Variants in PHACTR1 observed in about 807,000 individuals in gnomAD.
PHACTR1 encodes the protein RPEL repeat containing 1.
A neutral mutation model predicts 69.2 loss-of-function variants in PHACTR1; 16 were observed. The ratio of observed to expected loss-of-function variants is 0.23; its 90% CI spans 0.16 to 0.35. The LOEUF (loss-of-function observed/expected upper bound fraction) is 0.35, where lower values mean the gene tolerates loss of function less well. Among genes scored for constraint, PHACTR1 ranks in the 10% least tolerant of loss-of-function variants. The probability of loss-of-function intolerance (pLI) is 1.00; values close to 1 mark genes in which losing one functional copy is unlikely to be tolerated. For missense variants in PHACTR1, 510 were observed against 734.7 expected (o/e 0.69, Z 3.54); for synonymous variants, 312 against 284.5 (o/e 1.10, Z -0.97).
At chr6:12,741,876 A>G (rs1382246585) in intron 3 of PHACTR1, among the ~76,000 whole-genome samples, 11 of 151,938 alleles carry the variant, frequency 7.2e-5, no homozygotes, top group African/African-American at 2.7e-4. Context: ...TCAATCCATG[A>G]GCACGATTAT....
chr6:13,170,061 T>C (rs1760366185), intron 6 of PHACTR1, among the ~76,000 whole-genome samples: 1 of 152,208 alleles, frequency 6.6e-6, no homozygotes, highest in South Asian at 2.1e-4. Context: ...CCTCTGGCTG[T>C]AACTCCTCAT....
chr6:12,784,105 A>G (rs1156871869), intron 4 of PHACTR1, among the ~76,000 whole-genome samples: 1 of 152,004 alleles, frequency 6.6e-6, no homozygotes. Context: ...CTACACCTAC[A>G]TACATACATG....
chr6:13,234,756 T>A (rs980851865), intron 10 of PHACTR1, among the ~76,000 whole-genome samples: 1 of 152,208 alleles, frequency 6.6e-6, no homozygotes, highest in African/African-American at 2.4e-5. Flanking sequence ...CTGGATTTTT[T>A]AATAAATAAC....
chr6:13,051,585 G>C (rs1416429323), intron 4 of PHACTR1, among the ~76,000 whole-genome samples: 1 of 151,970 alleles, frequency 6.6e-6, no homozygotes, highest in East Asian at 1.9e-4. Flanking sequence ...ATTCCTGTTG[G>C]GTCTGTTTCT....
At chr6:13,086,043 G>T (rs1400184137) in intron 5 of PHACTR1, among the ~76,000 whole-genome samples, 3 of 117,630 alleles carry the variant, frequency 2.6e-5, no homozygotes, top group Non-Finnish European at 5.0e-5. Flanking sequence ...TAAAAATCTA[G>T]GCAAAGTAAT....
intron 4 of PHACTR1, among the ~76,000 whole-genome samples, chr6:12,868,196 G>A (rs1781655229): frequency 6.6e-6 from 1 of 150,548 alleles, no homozygotes; most frequent in Non-Finnish European, 1.5e-5. Flanking sequence ...GTCGGAGGTT[G>A]CAGTGAACCA....
chr6:13,046,100 G>C (rs1447005903), intron 4 of PHACTR1, among the ~76,000 whole-genome samples: 1 of 152,174 alleles, frequency 6.6e-6, no homozygotes, highest in South Asian at 2.1e-4. Context: ...TCTCCCTCCA[G>C]AGATGTAGTG....
intron 4 of PHACTR1, among the ~76,000 whole-genome samples, chr6:13,005,963 G>A (rs1798736471): frequency 6.6e-6 from 1 of 151,390 alleles, no homozygotes; most frequent in African/African-American, 2.4e-5. Flanking sequence ...CTATTACCTT[G>A]TTCCAGCACC....
At chr6:12,741,729 G>T (rs377511896) in intron 3 of PHACTR1, among the ~76,000 whole-genome samples, 1 of 148,120 alleles carries the variant, frequency 6.8e-6, no homozygotes, top group African/African-American at 2.5e-5. Context: ...TTCTCCCTCT[G>T]CATTTTCATA....
At chr6:12,722,088 C>T (rs889460619) in intron 3 of PHACTR1, among the ~76,000 whole-genome samples, 7 of 152,202 alleles carry the variant, frequency 4.6e-5, no homozygotes, top group African/African-American at 1.7e-4. Context: ...GGCCAAGTAG[C>T]CCCAATTTGA....
At chr6:13,182,785 C>A in intron 7 of PHACTR1, 99 bp downstream of exon 7, 1 of 1,213,538 alleles carries the variant, frequency 8.2e-7, no homozygotes, top group Non-Finnish European at 1.1e-6. Context: ...CTATTTTGGA[C>A]TATCCTGAGC....
chr6:12,857,418 T>C (rs1171304198), intron 4 of PHACTR1, among the ~76,000 whole-genome samples: 1 of 152,170 alleles, frequency 6.6e-6, no homozygotes, highest in African/African-American at 2.4e-5. Context: ...GAGACCATCC[T>C]GGCCAACATG....
chr6:13,066,476 A>G lies in PHACTR1; in HGVS notation c.415+12947A>G, dbSNP rs1434432640. ...ATTCATGATTGTTTTCCAGTTTTTC[A>G]TAGTTGTGCACAGGTTAGGCTAAAT... On this transcript the variant is annotated intron_variant, in intron 5 of 14. Transcript: ENST00000332995. 2.6e-5 allele frequency among the ~76,000 whole-genome samples: 4 copies of G among 152,182 alleles called. 1 individual carries two copies. In the South Asian group the frequency reaches 6.2e-4, roughly 24 times the overall value.
intron 3 of PHACTR1, among the ~76,000 whole-genome samples, chr6:12,732,212 A>T (rs1347196391): frequency 6.6e-6 from 1 of 152,170 alleles, no homozygotes; most frequent in Non-Finnish European, 1.5e-5. Context: ...GCAAACAACA[A>T]AACAAAACTC....
intron 5 of PHACTR1, among the ~76,000 whole-genome samples, chr6:13,155,755 G>A (rs1162155770): frequency 3.3e-5 from 5 of 152,112 alleles, no homozygotes; most frequent in Non-Finnish European, 7.4e-5. Context: ...AGGAGTGGCA[G>A]CAGGCGCCTG....
chr6:12,831,929 T>G (rs1777626258), intron 4 of PHACTR1, among the ~76,000 whole-genome samples: 1 of 152,086 alleles, frequency 6.6e-6, no homozygotes, highest in Non-Finnish European at 1.5e-5. Flanking sequence ...CTCCTCATTT[T>G]ATGGAGGAGG....
chr6:12,939,894 G>A (rs1218636343), intron 4 of PHACTR1, among the ~76,000 whole-genome samples: 1 of 152,128 alleles, frequency 6.6e-6, no homozygotes, highest in Non-Finnish European at 1.5e-5. Context: ...ATGAATTTGG[G>A]TGGCAGTCAC....
At chr6:12,761,758 T>A (rs1052912611) in intron 4 of PHACTR1, among the ~76,000 whole-genome samples, 1 of 152,204 alleles carries the variant, frequency 6.6e-6, no homozygotes, top group South Asian at 2.1e-4. Flanking sequence ...TTTCCCCAAC[T>A]GAATGCCCTA....
chr6:12,924,257 C>A (rs952300938), intron 4 of PHACTR1, among the ~76,000 whole-genome samples: 2 of 152,010 alleles, frequency 1.3e-5, no homozygotes, highest in Admixed American at 6.6e-5. Flanking sequence ...CACAGATAAA[C>A]GTGTGTGTCC....
Sources: gnomAD v4.1 joint callset for allele counts (sites outside exome capture counted in the v4.1 genomes callset) on GRCh38, gnomAD v4.1.1 for gene constraint, MANE v1.5 for transcripts, NCBI Gene and HGNC (gene_info 2026-07-23, HGNC 2026-07-21) for gene names.